The following EPHA3 variants were observed in gnomAD, a reference collection of about 807,000 sequenced individuals.
EPHA3 encodes ephrin type-A receptor 3.
A neutral mutation model predicts 107.1 loss-of-function variants in EPHA3; 42 were observed. The observed-to-expected ratio is 0.39, with a 90% CI of 0.31 to 0.51. EPHA3 has a LOEUF of 0.51. Among genes scored for constraint, EPHA3 ranks in the 20% least tolerant of loss-of-function variants. The probability of loss-of-function intolerance (pLI) is 0.78; values close to 1 mark genes in which losing one functional copy is unlikely to be tolerated. For synonymous variants in EPHA3, 461 were observed against 424.8 expected (o/e 1.09, Z -1.05); for missense variants, 1,183 against 1,211.2 (o/e 0.98, Z 0.35).
At chr3:89,366,898 A>G (rs1274500373) in intron 5 of EPHA3, among the ~76,000 whole-genome samples, 1 of 150,764 alleles carries the variant, frequency 6.6e-6, no homozygotes, top group African/African-American at 2.4e-5. Flanking sequence ...ATTTTTAAAA[A>G]TTCTATCAAA....
chr3:89,390,899 T>C (rs1425145387), intron 5 of EPHA3, among the ~76,000 whole-genome samples: 1 of 151,266 alleles, frequency 6.6e-6, no homozygotes, highest in African/African-American at 2.4e-5. Context: ...CTGATTCTCC[T>C]GCCTCAGCCT....
intron 13 of EPHA3, among the ~76,000 whole-genome samples, chr3:89,446,744 G>A (rs929151724): frequency 2.7e-5 from 4 of 150,042 alleles, no homozygotes; most frequent in African/African-American, 9.8e-5. Context: ...CACAATTTCA[G>A]TATTACTGAA....
chr3:89,417,189 A>T (rs35968370), intron 10 of EPHA3, among the ~76,000 whole-genome samples: 68,947 of 151,146 alleles, frequency 0.46, 16,979 homozygotes, highest in African/African-American at 0.63. Flanking sequence ...TAGATACAAT[A>T]AGTGTCCCCC....
At chr3:89,351,152 G>A (rs1358342058) in intron 5 of EPHA3, among the ~76,000 whole-genome samples, 2 of 151,270 alleles carry the variant, frequency 1.3e-5, no homozygotes, top group Admixed American at 6.6e-5. Context: ...CACCCAGTTC[G>A]AGCTTCCCCG....
intron 11 of EPHA3, among the ~76,000 whole-genome samples, chr3:89,426,286 T>A (rs1274864872): frequency 6.6e-6 from 1 of 151,814 alleles, no homozygotes; most frequent in African/African-American, 2.4e-5. Flanking sequence ...ATTTAATGCA[T>A]GTTGGAACTA....
chr3:89,302,380 G>T (rs1221354523), intron 3 of EPHA3, among the ~76,000 whole-genome samples: 2 of 151,914 alleles, frequency 1.3e-5, no homozygotes, highest in Non-Finnish European at 2.9e-5. Context: ...TATTCTGGTT[G>T]ATATAAAAGA....
At chr3:89,289,157 G>A (rs1559633867) in intron 3 of EPHA3, among the ~76,000 whole-genome samples, 1 of 152,110 alleles carries the variant, frequency 6.6e-6, no homozygotes, top group Admixed American at 6.6e-5. Flanking sequence ...TGGTCACAGA[G>A]CTAGAAAGCA....
chr3:89,262,645 C>A (rs1177036852), intron 3 of EPHA3, among the ~76,000 whole-genome samples: 6 of 152,256 alleles, frequency 3.9e-5, no homozygotes, highest in Non-Finnish European at 8.8e-5. Flanking sequence ...TCGCATGATG[C>A]GTGACAGGGG....
chr3:89,395,681 G>C (rs1708834311), intron 5 of EPHA3, among the ~76,000 whole-genome samples, 156 bp from the exon 6 acceptor site: 3 of 152,092 alleles, frequency 2.0e-5, no homozygotes, highest in Non-Finnish European at 4.4e-5. Flanking sequence ...TAATATTCAA[G>C]AGCCTTGGAA....
At chr3:89,272,401 T>C (rs1705692637) in intron 3 of EPHA3, among the ~76,000 whole-genome samples, 1 of 151,978 alleles carries the variant, frequency 6.6e-6, no homozygotes, top group Admixed American at 6.6e-5. Flanking sequence ...TGTGGTTGTA[T>C]TGATAGATTA....
intron 3 of EPHA3, among the ~76,000 whole-genome samples, chr3:89,317,682 T>G (rs1259429958): frequency 6.6e-6 from 1 of 151,788 alleles, no homozygotes; most frequent in Non-Finnish European, 1.5e-5. Flanking sequence ...AATGTACACA[T>G]TTTAAAAAGT....
Position 89,479,600 on chromosome 3 carries a change from T to C in EPHA3, c.*98T>C, listed in dbSNP as rs1412751554. On this transcript the variant is annotated 3_prime_UTR_variant, in exon 17 of 17. Transcript: ENST00000336596. The stretch of plus-strand genomic sequence containing the variant: ...ATAATTCTGGAGATACTGGTGGAAG[T>C]TCCAAGTCCAATAAGACACTCAAAT... The C allele has an allele frequency of 7.7e-6, 7 of 914,522 alleles. No homozygotes were observed. The highest frequency in any genetic ancestry group is 1.2e-5 in the Non-Finnish European group (7 of 575,332). The allele number at this position is 914,522 out of a possible 1,614,324, so 56.7% of individuals were successfully genotyped here.
intron 3 of EPHA3, among the ~76,000 whole-genome samples, chr3:89,277,767 AT>A (rs1182319824): frequency 6.6e-6 from 1 of 152,080 alleles, no homozygotes; most frequent in East Asian, 1.9e-4. Flanking sequence ...TCCAGTGACT[AT>A]TCCTTTTCCC....
chr3:89,274,848 C>T (rs1467973720), intron 3 of EPHA3, among the ~76,000 whole-genome samples: 2 of 151,986 alleles, frequency 1.3e-5, no homozygotes, highest in East Asian at 3.9e-4. Context: ...CACCAAGCCA[C>T]TCCTCCCAGT....
chr3:89,381,059 A>G (rs1027392155), intron 5 of EPHA3, among the ~76,000 whole-genome samples: 3 of 151,060 alleles, frequency 2.0e-5, no homozygotes, highest in Non-Finnish European at 4.4e-5. Flanking sequence ...TGCAAGCTCC[A>G]CCTCCTGGTT....
intron 2 of EPHA3, among the ~76,000 whole-genome samples, chr3:89,203,763 C>A (rs1706033242): frequency 6.6e-6 from 1 of 151,674 alleles, no homozygotes. Flanking sequence ...GGCAACAGAG[C>A]GAGACTCTGT....
chr3:89,417,034 A>T (rs1264676935), intron 10 of EPHA3, among the ~76,000 whole-genome samples: 1 of 151,512 alleles, frequency 6.6e-6, no homozygotes, highest in African/African-American at 2.4e-5. Context: ...CTTAAAGGGT[A>T]GTTAGGCAAT....
chr3:89,244,174 G>T (rs983199339), intron 3 of EPHA3, among the ~76,000 whole-genome samples: 1 of 151,700 alleles, frequency 6.6e-6, no homozygotes, highest in Non-Finnish European at 1.5e-5. Context: ...ATATTATTGG[G>T]GGAAATTGGC....
intron 3 of EPHA3, among the ~76,000 whole-genome samples, chr3:89,261,974 A>T: frequency 6.6e-6 from 1 of 152,018 alleles, no homozygotes; most frequent in Non-Finnish European, 1.5e-5. Context: ...TTAGTAAAAT[A>T]TTGATATTAT....
Sources: allele counts gnomAD v4.1 joint callset (sites outside exome capture counted in the v4.1 genomes callset), GRCh38; gene constraint gnomAD v4.1.1; transcripts MANE v1.5; gene names NCBI Gene and HGNC (gene_info 2026-07-23, HGNC 2026-07-21).